MPHOSPH9: variants seen among roughly 807,000 people sequenced by gnomAD.
MPHOSPH9 encodes M-phase phosphoprotein 9.
Under a neutral mutation model 145.5 loss-of-function variants are expected in MPHOSPH9, and 88 were observed. The ratio of observed to expected loss-of-function variants is 0.60; its 90% confidence interval spans 0.51 to 0.72. The LOEUF (loss-of-function observed/expected upper bound fraction) is 0.72. Among genes scored for constraint, MPHOSPH9 ranks in the 30% least tolerant of loss-of-function variants. The pLI is 0.00. For missense variants in MPHOSPH9, 1,238 were observed against 1,386.6 expected (o/e 0.89, Z 1.70); for synonymous variants, 435 against 486.2 (o/e 0.89, Z 1.39).
At chr12:123,227,735 C>T (rs2047484896) in intron 2 of MPHOSPH9, 119 bp from the exon 3 acceptor site, 1 of 817,934 alleles carries the variant, frequency 1.2e-6, no homozygotes, top group Non-Finnish European at 1.7e-6. Flanking sequence ...CTTCTAATGG[C>T]ACCTCATTTG....
chr12:123,226,437 T>A, intron 3 of MPHOSPH9: 1 of 397,340 alleles, frequency 2.5e-6, no homozygotes, highest in Non-Finnish European at 3.7e-6. Flanking sequence ...AATAATGGTT[T>A]AAACATTTCT....
At chr12:123,187,133 C>T (rs922983521) in intron 13 of MPHOSPH9, among the ~76,000 whole-genome samples, 2 of 151,942 alleles carry the variant, frequency 1.3e-5, no homozygotes, top group African/African-American at 2.4e-5. Context: ...TTGTGGTGCT[C>T]GCCTATAATC....
chr12:123,203,372 T>C lies in MPHOSPH9; in HGVS notation c.1198A>G (p.Asn400Asp), dbSNP rs372336414. Residue 400 changes from asparagine (N) to aspartate (D), a missense_variant, in exon 9 of 24, where the codon AAT (asparagine) becomes GAT (aspartate). Asn to Asp is a conservative substitution (Grantham distance 23). Coordinates refer to ENST00000606320, the MANE Select transcript of MPHOSPH9 (RefSeq NM_022782.4). ...GGTAGCTTCATCTCATTACTAGTAT[T>C]AGACTTAAAGATACGAAACAAAATT... ...SSTDVSPNQSNTSNEMKLPSL... is the reference protein window; with the variant it reads ...SSTDVSPNQSDTSNEMKLPSL... The C allele has an allele frequency of 9.0e-5, 143 of 1,593,576 alleles. No homozygotes were observed. The highest frequency in any genetic ancestry group is 1.2e-4 in the Non-Finnish European group (142 of 1,168,326).
Position 123,165,495 on chromosome 12 carries a change from A to C in MPHOSPH9, c.2592-18T>G. ...AACGGTGCCTTAAACAATAATTTTA[A>C]GACATACAGTGCTATGGACTAAATG... On this transcript the variant is annotated intron_variant, in intron 17 of 23. Transcript: ENST00000606320. 1.9e-6 allele frequency: 3 copies of C among 1,608,392 alleles called. No individual in the cohort carries two copies. Among genetic ancestry groups the C allele is most frequent in the Non-Finnish European group, 2.5e-6 (3 of 1,176,596 alleles).
chr12:123,230,206 G>A (rs943066606), intron 2 of MPHOSPH9, 55 bp downstream of exon 2: 122 of 881,432 alleles, frequency 1.4e-4, no homozygotes, highest in Admixed American at 2.3e-4. Context: ...GTTGATAAAC[G>A]TATGCAAATA....
intron 16 of MPHOSPH9, among the ~76,000 whole-genome samples, chr12:123,175,190 T>A (rs948429608): frequency 6.6e-5 from 10 of 151,492 alleles, no homozygotes; most frequent in South Asian, 2.1e-4. Flanking sequence ...TTGCTCTGTC[T>A]CCCAGGCTGG....
At chr12:123,172,872 T>C (rs1055875904) in intron 16 of MPHOSPH9, among the ~76,000 whole-genome samples, 1 of 44,424 alleles carries the variant, frequency 2.3e-5, no homozygotes, top group Non-Finnish European at 6.6e-5. Context: ...TTTCATTCAC[T>C]TTTTTTTTTT....
intron 9 of MPHOSPH9, 37 bp downstream of exon 9, chr12:123,203,213 T>C (rs950890059): frequency 6.2e-7 from 1 of 1,608,396 alleles, no homozygotes; most frequent in African/African-American, 1.3e-5. Flanking sequence ...CAGGAAGCAT[T>C]GTTCACGTTC....
chr12:123,224,068 G>A (rs1010699870), intron 3 of MPHOSPH9, among the ~76,000 whole-genome samples: 1 of 149,508 alleles, frequency 6.7e-6, no homozygotes, highest in African/African-American at 2.5e-5. Context: ...CCAAGTAGCT[G>A]AGATTACAGA....
At chr12:123,239,175 G>A (rs774355401) in intron 1 of MPHOSPH9, among the ~76,000 whole-genome samples, 2 of 152,136 alleles carry the variant, frequency 1.3e-5, no homozygotes, top group Admixed American at 6.6e-5. Context: ...AGGCTGCGGT[G>A]AGAGGATGGC....
chr12:123,163,738 T>A (rs2044200505), intron 19 of MPHOSPH9: 2 of 455,810 alleles, frequency 4.4e-6, no homozygotes, highest in Admixed American at 3.8e-5. Context: ...CTCACTTTAA[T>A]AAACAGATTT....
chr12:123,166,264 G>T (rs924220779), intron 17 of MPHOSPH9: 1 of 218,382 alleles, frequency 4.6e-6, no homozygotes, highest in Non-Finnish European at 8.9e-6. Flanking sequence ...ATGTCACCAT[G>T]CCCGGCTAAT....
At position 123,210,038 on chromosome 12, in the gene MPHOSPH9, CGT is replaced by C. The variant is rs1555227418; in HGVS notation, c.1194+16_1194+17del. 1.9e-6 allele frequency: 3 copies of C among 1,579,780 alleles called. No homozygotes were observed. Among genetic ancestry groups the C allele is most frequent in the Non-Finnish European group, 1.7e-6 (2 of 1,156,930 alleles). ...GGCGTAAGCCACCGCGCCCGGCCACCGTGTGTTTTTAAATTACCTGGTTTGGT... is the reference window on the plus strand; with the variant it reads ...GGCGTAAGCCACCGCGCCCGGCCACCGTGTTTTTAAATTACCTGGTTTGGT... On this transcript the variant is annotated intron_variant, in intron 8 of 23. Transcript: ENST00000606320.
chr12:123,166,496 T>C (rs2044326424), intron 17 of MPHOSPH9, 159 bp downstream of exon 17: 2 of 836,114 alleles, frequency 2.4e-6, no homozygotes, highest in African/African-American at 1.7e-5. Context: ...AAGTAAAATA[T>C]TCTAAAAGTA....
rs1489027547 is a variant in MPHOSPH9, at chr12:123,156,473, T to C, written c.*334A>G. 1.7e-5 allele frequency: 3 copies of C among 175,098 alleles called. No homozygotes were observed. The highest frequency in any genetic ancestry group is 1.4e-4 in the East Asian group (1 of 6,902). 10.8% of individuals were successfully genotyped at this position (175,098 alleles called of 1,614,324 possible). A position where few individuals can be genotyped will look rare whatever the true frequency, so the allele number is the denominator to read the frequency against. On this transcript the variant is annotated 3_prime_UTR_variant, in exon 24 of 24. Coordinates refer to ENST00000606320, the MANE Select transcript of MPHOSPH9 (RefSeq NM_022782.4). The stretch of plus-strand genomic sequence containing the variant: ...ATGTAGAACAAGTCTATAAAATTGA[T>C]GTGCAGTTAATTGTAAAAGGATAAC...
intron 1 of MPHOSPH9, among the ~76,000 whole-genome samples, chr12:123,239,532 A>G (rs1424086692): frequency 6.6e-6 from 1 of 152,006 alleles, no homozygotes; most frequent in East Asian, 1.9e-4. Flanking sequence ...CCTCCCAAGT[A>G]GCTGGGACTA....
chr12:123,190,539 T>C (rs999205295), intron 13 of MPHOSPH9, among the ~76,000 whole-genome samples: 1 of 152,176 alleles, frequency 6.6e-6, no homozygotes, highest in Non-Finnish European at 1.5e-5. Context: ...ATATTTCAAA[T>C]GTAAATGTTT....
chr12:123,207,989 A>T (rs1703179810), intron 8 of MPHOSPH9, among the ~76,000 whole-genome samples: 1 of 151,910 alleles, frequency 6.6e-6, no homozygotes, highest in Non-Finnish European at 1.5e-5. Flanking sequence ...CTGTATTCCC[A>T]GCACTCTGGG....
intron 12 of MPHOSPH9, 106 bp from the exon 13 acceptor site, chr12:123,194,707 T>C: frequency 2.7e-6 from 2 of 747,252 alleles, no homozygotes; most frequent in Non-Finnish European, 4.1e-6. Flanking sequence ...CTGCAACCTC[T>C]GCCTCCCAGG....
Sources: gnomAD v4.1 joint callset for allele counts (sites outside exome capture counted in the v4.1 genomes callset) on GRCh38, gnomAD v4.1.1 for gene constraint, MANE v1.5 for transcripts, NCBI Gene and HGNC (gene_info 2026-07-23, HGNC 2026-07-21) for gene names.